Variants in AEBP1 observed in about 807,000 individuals in gnomAD.
The protein encoded by AEBP1 is adipocyte enhancer-binding protein 1.
In AEBP1, 69 loss-of-function variants were observed where a neutral mutation model predicts 116.5. The observed-to-expected ratio is 0.59, with a 90% confidence interval of 0.49 to 0.72. AEBP1 has a LOEUF of 0.72. Ranked by LOEUF, AEBP1 falls within the 30% of genes least tolerant of loss-of-function variation. The probability of loss-of-function intolerance (pLI) is 0.00; values close to 1 mark genes in which losing one functional copy is unlikely to be tolerated. For missense variants in AEBP1, 1,444 were observed against 1,557.5 expected, an observed-to-expected ratio of 0.93 and a Z score of 1.23; for synonymous variants, 627 against 627.3, an observed-to-expected ratio of 1.00 and a Z score of 0.01.
In AEBP1 at chr7:44,111,949, T is replaced by C. The variant is rs765106238; in HGVS notation, c.1936T>C (p.Tyr646His). The C allele has an allele frequency of 1.9e-6, 3 of 1,613,654 alleles. No individual in the cohort carries two copies. The highest frequency in any genetic ancestry group is 2.5e-6 in the Non-Finnish European group (3 of 1,180,016). The stretch of plus-strand genomic sequence containing the variant: ...GCTCATGCAGTACCTGTGCCGAGAG[T>C]ACCGCGATGGGAACCCACGTGTGCG... Reference protein sequence around the residue: ...LLLMQYLCREYRDGNPRVRSL... With the variant: ...LLLMQYLCREHRDGNPRVRSL... Residue 646 changes from tyrosine (Y) to histidine (H), a missense_variant, in exon 16 of 21, where the codon TAC becomes CAC. By Grantham distance (83) the Tyr-to-His change is moderately conservative. Coordinates refer to ENST00000223357, the MANE Select transcript of AEBP1 (RefSeq NM_001129.5). This position sits in a 1 kb window ranked among gnomAD's most constrained non-coding sequence, Gnocchi z 4.7.
In AEBP1 at chr7:44,113,884, C is replaced by T. The variant is rs1204521134; in HGVS notation, c.3100C>T (p.Arg1034Trp). Residue 1034 changes from arginine to tryptophan, a missense_variant, in exon 21 of 21, where the codon CGG (arginine) becomes TGG (tryptophan). By Grantham distance (101) the Arg-to-Trp change is moderately radical. Transcript: ENST00000223357. The surrounding 1 kb of genome is among the most constrained non-coding windows in gnomAD (Gnocchi z 5.3). ...QHRLRLRAQMRLRRLNATTTL... is the reference protein window; with the variant it reads ...QHRLRLRAQMWLRRLNATTTL... The stretch of plus-strand genomic sequence containing the variant: ...CCGCCTGCGGCTTCGGGCACAGATG[C>T]GGCTGCGGCGCCTCAACGCCACCAC... 2 of 1,613,298 alleles carry T rather than the reference C, an allele frequency of 1.2e-6. No homozygotes were observed. Among genetic ancestry groups the T allele is most frequent in the Non-Finnish European group, 1.7e-6 (2 of 1,179,956 alleles).
intron 1 of AEBP1, 158 bp from the exon 2 acceptor site, chr7:44,106,388 G>A: frequency 1.1e-6 from 1 of 869,942 alleles, no homozygotes; most frequent in South Asian, 1.5e-5. Flanking sequence ...CCGGATCCCA[G>A]TTTGCCACTT....
intron 9 of AEBP1, 161 bp downstream of exon 9, chr7:44,109,502 C>T: frequency 1.2e-6 from 1 of 811,184 alleles, no homozygotes. Flanking sequence ...CCCAGGATAG[C>T]CTCGCTTGGC....
Position 44,111,332 on chromosome 7 carries a change from A to G in AEBP1, c.1716+93A>G, listed in dbSNP as rs936351990. On this transcript the variant is annotated intron_variant, in intron 14 of 20. Coordinates refer to ENST00000223357, the MANE Select transcript of AEBP1 (RefSeq NM_001129.5). The surrounding 1 kb of genome is among the most constrained non-coding windows in gnomAD (Gnocchi z 4.7). ...GCTTCTGTCACTGGGCCCAGTCCCT[A>G]CTGGTTCCAGGGATGCTGGCTGTCC... 3.5e-6 allele frequency: 5 copies of G among 1,414,958 alleles called. No individual in the cohort carries two copies. In the African/African-American group the frequency reaches 4.3e-5, roughly 12 times the overall value. The allele number at this position is 1,414,958 out of a possible 1,614,324, so 87.7% of individuals were successfully genotyped here.
chr7:44,112,953 G>C lies in AEBP1; in HGVS notation c.2570-38G>C. 2 of 1,613,400 alleles carry C rather than the reference G, an allele frequency of 1.2e-6. No homozygotes were observed. Among genetic ancestry groups the C allele is most frequent in the Non-Finnish European group, 1.7e-6 (2 of 1,179,656 alleles). On this transcript the variant is annotated intron_variant, in intron 18 of 20. Transcript: ENST00000223357. This position sits in a 1 kb window ranked among gnomAD's most constrained non-coding sequence, Gnocchi z 6.6. The stretch of plus-strand genomic sequence containing the variant: ...GGCTGTGGGCGGGGCCTGGTCCGGA[G>C]AGGGGCTGACTTTGGGTCTGTATCT...
At position 44,113,909 on chromosome 7, in the gene AEBP1, C is replaced by T. The variant is rs376181075; in HGVS notation, c.3125C>T (p.Thr1042Ile). 1.9e-6 allele frequency: 3 copies of T among 1,613,490 alleles called. No homozygotes were observed. The highest frequency in any genetic ancestry group is 1.7e-5 in the Admixed American group (1 of 60,008). Residue 1042 changes from threonine to isoleucine, a missense_variant, in exon 21 of 21, where the codon ACC becomes ATC. Coordinates refer to ENST00000223357, the MANE Select transcript of AEBP1 (RefSeq NM_001129.5). The surrounding 1 kb of genome is among the most constrained non-coding windows in gnomAD (Gnocchi z 5.3). ...CGGCTGCGGCGCCTCAACGCCACCA[C>T]CACCCTAGGCCCCCACACTGTGCCT... ...QMRLRRLNATTTLGPHTVPPT... is the reference protein window; with the variant it reads ...QMRLRRLNATITLGPHTVPPT...
Position 44,111,447 on chromosome 7 carries a change from G to C in AEBP1, c.1717-60G>C. On this transcript the variant is annotated intron_variant, in intron 14 of 20. Transcript: ENST00000223357. This position sits in a 1 kb window ranked among gnomAD's most constrained non-coding sequence, Gnocchi z 4.7. ...TAGAGCAGGCCCTGGAAGTGGAAGG[G>C]GCATGGTCAGCGGGGGACGGATTGC... The C allele has an allele frequency of 6.6e-7, 1 of 1,523,234 alleles. No individual in the cohort carries two copies. The highest frequency in any genetic ancestry group is 8.8e-7 in the Non-Finnish European group (1 of 1,134,646). 94.4% of individuals were successfully genotyped at this position (1,523,234 alleles called of 1,614,324 possible).
Position 44,110,107 on chromosome 7 carries a change from G to T in AEBP1, c.1243G>T (p.Gly415Cys). 6.2e-7 allele frequency: 1 copy of T among 1,613,098 alleles called. No homozygotes were observed. The highest frequency in any genetic ancestry group is 8.5e-7 in the Non-Finnish European group (1 of 1,179,992). ...MLRHGLGAQR[G>C]RLNMQTGATE... ...GCGCCACGGCCTGGGGGCACAGCGC[G>T]GCCGGCTCAACATGCAGGTGGGCAT... Residue 415 changes from glycine to cysteine, a missense_variant, in exon 10 of 21, where the codon GGC becomes TGC. Physicochemically the swap from Gly to Cys is radical, Grantham distance 159 (BLOSUM62 -3). Coordinates refer to ENST00000223357, the MANE Select transcript of AEBP1 (RefSeq NM_001129.5).
In AEBP1 at chr7:44,107,896, A is replaced by G; in HGVS notation, c.827A>G (p.Glu276Gly). The change falls in exon 5 of 21, where the codon GAG becomes GGG. Residue 276 changes from glutamate (E) to glycine (G), a missense_variant. Coordinates refer to ENST00000223357, the MANE Select transcript of AEBP1 (RefSeq NM_001129.5). This position sits in a 1 kb window ranked among gnomAD's most constrained non-coding sequence, Gnocchi z 4.3. ...CGGGTCTGGCCAGAGCCCCCTGAGG[A>G]GAAGGCCCCGGCCCCAGCCCCGGAG... ...PERVWPEPPE[E>G]KAPAPAPEER... is the part of the protein sequence containing the mutation. 1 of 1,597,810 alleles carries G rather than the reference A, an allele frequency of 6.3e-7. No homozygotes were observed. Among genetic ancestry groups the G allele is most frequent in the South Asian group, 1.1e-5 (1 of 89,006 alleles).
Position 44,107,665 on chromosome 7 carries a change from A to G in AEBP1, c.704A>G (p.Tyr235Cys). 1 of 1,613,698 alleles carries G rather than the reference A, an allele frequency of 6.2e-7. No homozygotes were observed. The highest frequency in any genetic ancestry group is 8.5e-7 in the Non-Finnish European group (1 of 1,179,950). ...GAGACCGAGCAACCCACACTGGACTACAATGACCAGATCGAGAGGGAGGAC... is the reference window on the plus strand; with the variant it reads ...GAGACCGAGCAACCCACACTGGACTGCAATGACCAGATCGAGAGGGAGGAC... ...EEETEQPTLD[Y>C]NDQIEREDYE... Residue 235 changes from tyrosine to cysteine, a missense_variant, in exon 4 of 21, where the codon TAC becomes TGC. By Grantham distance (194) the Tyr-to-Cys change is radical (BLOSUM62 -2). Transcript: ENST00000223357. The surrounding 1 kb of genome is among the most constrained non-coding windows in gnomAD (Gnocchi z 4.3).
rs568937834 is a variant in AEBP1, at chr7:44,111,253, A to G, written c.1716+14A>G. 6 of 1,508,962 alleles carry G rather than the reference A, an allele frequency of 4.0e-6. No individual in the cohort carries two copies. Among genetic ancestry groups the G allele is most frequent in the African/African-American group, 1.4e-5 (1 of 71,600 alleles). 93.5% of individuals were successfully genotyped at this position (1,508,962 alleles called of 1,614,324 possible). A position where few individuals can be genotyped will look rare whatever the true frequency, so the allele number is the denominator to read the frequency against. ...GACATGCGCCAGGTTGGGAGCATATATCCTGGGGCTGGGGGTGGGACCTGT... is the reference window on the plus strand; with the variant it reads ...GACATGCGCCAGGTTGGGAGCATATGTCCTGGGGCTGGGGGTGGGACCTGT... On this transcript the variant is annotated intron_variant, in intron 14 of 20. Transcript: ENST00000223357. The surrounding 1 kb of genome is among the most constrained non-coding windows in gnomAD (Gnocchi z 4.7).
chr7:44,113,410 G>A lies in AEBP1; in HGVS notation c.2809+59G>A. The A allele has an allele frequency of 1.3e-6, 2 of 1,528,742 alleles. No homozygotes were observed. Among genetic ancestry groups the A allele is most frequent in the Non-Finnish European group, 1.8e-6 (2 of 1,123,826 alleles). 94.7% of individuals were successfully genotyped at this position (1,528,742 alleles called of 1,614,324 possible). A position where few individuals can be genotyped will look rare whatever the true frequency, so the allele number is the denominator to read the frequency against. ...TGAGGGAGGACCCGCCAGAGAGGGT[G>A]GGGGCTTGAGGAACTCAGCGAGCAG... On this transcript the variant is annotated intron_variant, in intron 20 of 20. Transcript: ENST00000223357. This position sits in a 1 kb window ranked among gnomAD's most constrained non-coding sequence, Gnocchi z 5.3.
At position 44,107,786 on chromosome 7, in the gene AEBP1, C is replaced by T; in HGVS notation, c.740-23C>T. 6.2e-7 allele frequency: 1 copy of T among 1,612,532 alleles called. No homozygotes were observed. ...GGGCCCATCCCAGCCTTGGGCCCCACTCTGAGCCAGCCTCCCCCTCAGTTG... is the reference window on the plus strand; with the variant it reads ...GGGCCCATCCCAGCCTTGGGCCCCATTCTGAGCCAGCCTCCCCCTCAGTTG... On this transcript the variant is annotated intron_variant, in intron 4 of 20. Coordinates refer to ENST00000223357, the MANE Select transcript of AEBP1 (RefSeq NM_001129.5). The surrounding 1 kb of genome is among the most constrained non-coding windows in gnomAD (Gnocchi z 4.3).
intron 1 of AEBP1, among the ~76,000 whole-genome samples, chr7:44,105,463 C>T (rs2096222002): frequency 6.6e-6 from 1 of 152,154 alleles, no homozygotes; most frequent in African/African-American, 2.4e-5. Flanking sequence ...GCATTTAACC[C>T]ACGGCCTCTT....
rs182097426 is a variant in AEBP1, at chr7:44,107,625, T to G, written c.668-4T>G. On this transcript the variant is annotated splice_region_variant and splice_polypyrimidine_tract_variant and intron_variant, in intron 3 of 20. Transcript: ENST00000223357. This position sits in a 1 kb window ranked among gnomAD's most constrained non-coding sequence, Gnocchi z 4.3. ...TCAGGCAGCTACCAGCGCTTTCCCC[T>G]CAGAGCCGGAGGAGGAGACCGAGCA... The G allele has an allele frequency of 1.2e-4, 195 of 1,613,426 alleles. No homozygotes were observed. The African/African-American group carries it at 2.4e-3, about 20-fold the overall frequency.
Position 44,112,803 on chromosome 7 carries a change from C to T in AEBP1, c.2463C>T (p.Ser821=), listed in dbSNP as rs1367575857. The T allele has an allele frequency of 1.9e-6, 3 of 1,612,462 alleles. No homozygotes were observed. In the South Asian group the frequency reaches 3.3e-5, roughly 18 times the overall value. ...IFRWLAISFA[S]AHLTLTEPYR... ...GGTGGCTTGCCATCTCCTTCGCCTC[C>T]GCACACCTCACCTTGACCGAGCCCT... Residue 821 remains serine (S), a synonymous_variant, in exon 18 of 21, where the codon TCC becomes TCT. Coordinates refer to ENST00000223357, the MANE Select transcript of AEBP1 (RefSeq NM_001129.5). The surrounding 1 kb of genome is among the most constrained non-coding windows in gnomAD (Gnocchi z 6.6).
intron 11 of AEBP1, 81 bp downstream of exon 11, chr7:44,110,427 A>T: frequency 6.3e-7 from 1 of 1,590,734 alleles, no homozygotes; most frequent in Non-Finnish European, 8.6e-7. Context: ...AGGAGATTCC[A>T]GTGGGCCCTT....
rs374889215 is a variant in AEBP1 at position 44,108,992 on chromosome 7, G to A, written c.1018+16G>A. The A allele has an allele frequency of 1.2e-5, 19 of 1,605,922 alleles. No homozygotes were observed. Among genetic ancestry groups the A allele is most frequent in the African/African-American group, 6.7e-5 (5 of 74,838 alleles). On this transcript the variant is annotated intron_variant, in intron 7 of 20. Transcript: ENST00000223357. This position sits in a 1 kb window ranked among gnomAD's most constrained non-coding sequence, Gnocchi z 5.0. ...GAGGAGCTGAGTGAGTGGGACCAAG[G>A]ACTTCCCACACCAGGCCTGCCCTGA...
chr7:44,109,885 C>A, intron 9 of AEBP1, 130 bp from the exon 10 acceptor site: 1 of 808,470 alleles, frequency 1.2e-6, no homozygotes, highest in Admixed American at 2.6e-5. Context: ...AGGGAGCCAC[C>A]AGCTGACCAG....
Sources: gnomAD v4.1 joint callset for allele counts (sites outside exome capture counted in the v4.1 genomes callset) on GRCh38, gnomAD v4.1.1 for gene constraint, Gnocchi (gnomAD v3.1) non-coding constraint, MANE v1.5 for transcripts, NCBI Gene and HGNC (gene_info 2026-07-23, HGNC 2026-07-21) for gene names.